Variants in HMX1 observed in about 807,000 individuals in gnomAD.
HMX1 encodes the protein H6 family homeobox 1.
In HMX1, 8 loss-of-function variants were observed where a neutral mutation model predicts 8.9. The observed-to-expected ratio is 0.90, with a 90% CI of 0.53 to 1.63. The LOEUF is 1.63. Ranked by LOEUF, HMX1 falls within the 40% of genes most tolerant of loss-of-function variation. The pLI, the probability that HMX1 is intolerant of heterozygous loss-of-function variation, is 0.00. For synonymous variants in HMX1, 311 were observed against 283.4 expected (o/e 1.10, Z -0.98); for missense variants, 621 against 558.5 (o/e 1.11, Z -1.13).
chr4:8,861,061 G>A (rs1229100291), intron 1 of HMX1, among the ~76,000 whole-genome samples: 1 of 152,070 alleles, frequency 6.6e-6, no homozygotes, highest in East Asian at 1.9e-4. Flanking sequence ...GCCGGAGACG[G>A]TGAAGAGGCG....
At chr4:8,858,231 GGAGCT>G (rs970545169) in intron 1 of HMX1, among the ~76,000 whole-genome samples, 6 of 152,120 alleles carry the variant, frequency 3.9e-5, no homozygotes, top group Admixed American at 2.6e-4. Flanking sequence ...TTACGCGCGC[GGAGCT>G]GGAGCCCCGA....
downstream of HMX1, among the ~76,000 whole-genome samples, chr4:8,862,748 T>C (rs1186926465): frequency 6.6e-6 from 1 of 152,186 alleles, no homozygotes; most frequent in African/African-American, 2.4e-5. Flanking sequence ...ATTACTTTTG[T>C]AATAAAAAAT....
intron 1 of HMX1, among the ~76,000 whole-genome samples, chr4:8,852,138 C>T (rs1184684663): frequency 6.6e-6 from 1 of 152,244 alleles, no homozygotes; most frequent in Non-Finnish European, 1.5e-5. Flanking sequence ...TGAGTATTGA[C>T]CCTGCATTCA....
chr4:8,849,251 G>A lies in HMX1; in HGVS notation c.395-2927C>T, dbSNP rs1454830820. 3.3e-5 allele frequency among the ~76,000 whole-genome samples: 5 copies of A among 152,018 alleles called. No homozygotes were observed. Among genetic ancestry groups the A allele is most frequent in the Non-Finnish European group, 5.9e-5 (4 of 68,022 alleles). ...GTCCTGACCGGCAGCACCCCAGAAC[G>A]GGAGTTTATTTGGAAATAGGGTCTT... On this transcript the variant is annotated intron_variant, in intron 1 of 1. Coordinates refer to the HMX1 transcript ENST00000506970. This position sits in a 1 kb window ranked among gnomAD's most constrained non-coding sequence, Gnocchi z 6.6.
intron 1 of HMX1, among the ~76,000 whole-genome samples, chr4:8,859,705 G>A (rs533931330): frequency 2.0e-5 from 3 of 152,344 alleles, no homozygotes; most frequent in South Asian, 4.1e-4. Context: ...ACACACGTGC[G>A]TGGTCTATGT....
At chr4:8,861,754 G>A (rs2109465590) in intron 1 of HMX1, among the ~76,000 whole-genome samples, 2 of 152,368 alleles carry the variant, frequency 1.3e-5, no homozygotes, top group South Asian at 4.1e-4. Flanking sequence ...CGTCTGTCTG[G>A]ACCCTCAGAG....
At chr4:8,866,740 G>A (rs1001891726), downstream of HMX1, among the ~76,000 whole-genome samples, 1 of 152,232 alleles carries the variant, frequency 6.6e-6, no homozygotes, top group Admixed American at 6.5e-5. Flanking sequence ...GAATGCCAGC[G>A]GCCATCAGTG....
intron 1 of HMX1, among the ~76,000 whole-genome samples, chr4:8,869,931 A>G (rs917426689): frequency 3.9e-5 from 6 of 152,174 alleles, no homozygotes; most frequent in African/African-American, 1.4e-4. Context: ...CTCCCCCAGA[A>G]GGGCACTAGA....
chr4:8,847,055 C>G lies in HMX1; in HGVS notation c.395-731G>C, dbSNP rs1399331350. 6.6e-6 allele frequency among the ~76,000 whole-genome samples: 1 copy of G among 152,194 alleles called. No individual in the cohort carries two copies. The highest frequency in any genetic ancestry group is 1.5e-5 in the Non-Finnish European group (1 of 68,044). On this transcript the variant is annotated intron_variant, in intron 1 of 1. Coordinates refer to the HMX1 transcript ENST00000506970. The surrounding 1 kb of genome is among the most constrained non-coding windows in gnomAD (Gnocchi z 6.0). Reference sequence around the variant, plus strand: ...AGCTCCTGTCTCAAAGTGCCAGGCCCAGGGCTGCTGACACAGTGGCAAAGT... The same window carrying G: ...AGCTCCTGTCTCAAAGTGCCAGGCCGAGGGCTGCTGACACAGTGGCAAAGT...
At chr4:8,851,449 C>A (rs1320428556) in intron 1 of HMX1, among the ~76,000 whole-genome samples, 2 of 152,314 alleles carry the variant, frequency 1.3e-5, no homozygotes, top group South Asian at 2.1e-4. Context: ...GAAGCGAAGG[C>A]AGCCAGCACA....
chr4:8,866,406 G>C (rs4605737), downstream of HMX1, among the ~76,000 whole-genome samples: 10,661 of 152,284 alleles, frequency 0.07, 1,120 homozygotes, highest in African/African-American at 0.23. Flanking sequence ...CTCCTAGGCT[G>C]AAACACACAC....
downstream of HMX1, among the ~76,000 whole-genome samples, chr4:8,862,794 C>G (rs890393461): frequency 1.3e-5 from 2 of 152,176 alleles, no homozygotes; most frequent in Non-Finnish European, 2.9e-5. Flanking sequence ...CAGAACGTGG[C>G]GAGGGCCGTT....
downstream of HMX1, among the ~76,000 whole-genome samples, chr4:8,866,816 A>G (rs932800710): frequency 2.0e-5 from 3 of 152,134 alleles, no homozygotes; most frequent in African/African-American, 7.2e-5. Flanking sequence ...GGGACACACC[A>G]TCATCACTTC....
chr4:8,853,570 G>A lies in HMX1; in HGVS notation c.395-7246C>T, dbSNP rs1383143049. Among the ~76,000 whole-genome samples, 1 of 152,192 alleles carries A rather than the reference G, an allele frequency of 6.6e-6. No individual in the cohort carries two copies. Among genetic ancestry groups the A allele is most frequent in the Non-Finnish European group, 1.5e-5 (1 of 68,034 alleles). On this transcript the variant is annotated intron_variant, in intron 1 of 1. Transcript: ENST00000506970. This position sits in a 1 kb window ranked among gnomAD's most constrained non-coding sequence, Gnocchi z 4.7. ...AGTAAAAGGTAAAAGGGGAGAATGC[G>A]GCTGGGCATGGTGGCTCACACCTGT...
chr4:8,849,301 A>G lies in HMX1; in HGVS notation c.395-2977T>C, dbSNP rs1298480743. On this transcript the variant is annotated intron_variant, in intron 1 of 1. Transcript: ENST00000506970. This position sits in a 1 kb window ranked among gnomAD's most constrained non-coding sequence, Gnocchi z 6.6. ...TCCTGAGGTAAGCAAGCTGAAATGC[A>G]GGCAGGGCCCTACCCCAAGCTGAGT... Among the ~76,000 whole-genome samples, 1 of 152,184 alleles carries G rather than the reference A, an allele frequency of 6.6e-6. No individual in the cohort carries two copies. Among genetic ancestry groups the G allele is most frequent in the Non-Finnish European group, 1.5e-5 (1 of 68,016 alleles).
In HMX1 at chr4:8,871,099, G is replaced by A. The variant is rs1375326604; in HGVS notation, c.394+122C>T. 1 of 1,101,374 alleles carries A rather than the reference G, an allele frequency of 9.1e-7. No homozygotes were observed. The highest frequency in any genetic ancestry group is 4.1e-5 in the East Asian group (1 of 24,158). The allele number at this position is 1,101,374 out of a possible 1,614,324, so 68.2% of individuals were successfully genotyped here. A position where few individuals can be genotyped will look rare whatever the true frequency, so the allele number is the denominator to read the frequency against. ...GGGGGCCCCACAAGGCCCAGACGCC[G>A]TTCCACAGAAGGGAGAGGATGGCCC... On this transcript the variant is annotated intron_variant, in intron 1 of 1. Coordinates refer to ENST00000400677, the MANE Select transcript of HMX1 (RefSeq NM_018942.3). The surrounding 1 kb of genome is among the most constrained non-coding windows in gnomAD (Gnocchi z 4.8).
chr4:8,848,903 C>G lies in HMX1; in HGVS notation c.395-2579G>C, dbSNP rs1171388618. Among the ~76,000 whole-genome samples the G allele has an allele frequency of 6.6e-6, 1 of 152,192 alleles. No individual in the cohort carries two copies. The highest frequency in any genetic ancestry group is 2.4e-5 in the African/African-American group (1 of 41,448). Reference sequence around the variant, plus strand: ...TGCTCAAAGCCTCACCTTCCAACTACAAAGAGAAAAATGTTCCCTCTGTGA... The same window carrying G: ...TGCTCAAAGCCTCACCTTCCAACTAGAAAGAGAAAAATGTTCCCTCTGTGA... On this transcript the variant is annotated intron_variant, in intron 1 of 1. Transcript: ENST00000506970. This position sits in a 1 kb window ranked among gnomAD's most constrained non-coding sequence, Gnocchi z 4.1.
At position 8,848,329 on chromosome 4, in the gene HMX1, G is replaced by A. The variant is rs182908730; in HGVS notation, c.395-2005C>T. On this transcript the variant is annotated intron_variant, in intron 1 of 1. Transcript: ENST00000506970. The surrounding 1 kb of genome is among the most constrained non-coding windows in gnomAD (Gnocchi z 4.1). ...TATTTGCAACTGTTTGTTCTTTAAT[G>A]TAGCTACTAGAAAATTTATATCACA... Among the ~76,000 whole-genome samples the A allele has an allele frequency of 5.8e-4, 88 of 152,286 alleles. No homozygotes were observed. In the East Asian group the frequency reaches 0.011, roughly 19 times the overall value.
At chr4:8,846,109 C>T in exon 2 of HMX1, 1 of 650,970 alleles carries the variant, frequency 1.5e-6, no homozygotes, top group Admixed American at 2.7e-5. Flanking sequence ...TTCTTGCTCA[C>T]ACTGAGTGCC....
Sources: allele counts gnomAD v4.1 joint callset (sites outside exome capture counted in the v4.1 genomes callset), GRCh38; gene constraint gnomAD v4.1.1; non-coding constraint Gnocchi (gnomAD v3.1); transcripts MANE v1.5; gene names NCBI Gene and HGNC (gene_info 2026-07-23, HGNC 2026-07-21).